Variants in FREM1 observed in about 807,000 individuals in gnomAD.
FREM1 encodes FRAS1 related extracellular matrix 1.
A neutral mutation model predicts 210.1 loss-of-function variants in FREM1; 220 were observed. The ratio of observed to expected loss-of-function variants is 1.05; its 90% CI spans 0.94 to 1.17. The LOEUF (loss-of-function observed/expected upper bound fraction) is 1.17. FREM1 is among the 50% of genes most tolerant of loss of function. The pLI is 0.00. For missense variants in FREM1, 3,454 were observed against 2,675.5 expected, an observed-to-expected ratio of 1.29 and a Z score of -6.42; for synonymous variants, 1,189 against 980.2, an observed-to-expected ratio of 1.21 and a Z score of -3.98.
At chr9:14,889,128 TA>T (rs1454844070) in intron 1 of FREM1, among the ~76,000 whole-genome samples, 1 of 152,192 alleles carries the variant, frequency 6.6e-6, no homozygotes, top group Non-Finnish European at 1.5e-5. Context: ...AAGATTGTGA[TA>T]AAAAAATCCT....
intron 27 of FREM1, among the ~76,000 whole-genome samples, chr9:14,768,417 G>A (rs1846866078): frequency 6.6e-6 from 1 of 151,322 alleles, no homozygotes; most frequent in Non-Finnish European, 1.5e-5. Context: ...GTGATCCTGG[G>A]AATTATTTGT....
At chr9:14,879,270 G>T (rs10810282) in intron 1 of FREM1, among the ~76,000 whole-genome samples, 7,116 of 151,772 alleles carry the variant, frequency 0.047, 196 homozygotes, top group East Asian at 0.13. Flanking sequence ...ATCATCCTGG[G>T]ATATATGGAA....
At chr9:14,818,051 C>A (rs1017061103) in intron 14 of FREM1, among the ~76,000 whole-genome samples, 1 of 152,174 alleles carries the variant, frequency 6.6e-6, no homozygotes, top group East Asian at 1.9e-4. Flanking sequence ...TGAACTTGGG[C>A]AAATTCCTCA....
chr9:14,873,455 G>C (rs1054968856), intron 1 of FREM1, among the ~76,000 whole-genome samples: 1 of 152,140 alleles, frequency 6.6e-6, no homozygotes, highest in Non-Finnish European at 1.5e-5. Flanking sequence ...GTTTATTTGT[G>C]TAGAGGTGTT....
chr9:14,896,544 C>CAAAAAAA (rs59464900), intron 1 of FREM1, among the ~76,000 whole-genome samples: 2 of 82,624 alleles, frequency 2.4e-5, no homozygotes, highest in Non-Finnish European at 2.5e-5. Flanking sequence ...GACTCCATCT[C>CAAAAAAA]AAAAAAAAAA....
chr9:14,811,915 G>C (rs1240432503), intron 16 of FREM1, among the ~76,000 whole-genome samples: 1 of 152,076 alleles, frequency 6.6e-6, no homozygotes, highest in African/African-American at 2.4e-5. Flanking sequence ...GTTTAAAGAG[G>C]CATATGGATG....
chr9:14,806,822 C>A lies in FREM1; in HGVS notation c.3113G>T (p.Gly1038Val). 6.2e-7 allele frequency: 1 copy of A among 1,603,500 alleles called. No homozygotes were observed. Among genetic ancestry groups the A allele is most frequent in the Non-Finnish European group, 8.5e-7 (1 of 1,174,318 alleles). Residue 1038 changes from glycine (G) to valine (V), a missense_variant, in exon 18 of 37, where the codon GGC becomes GTC. Physicochemically the swap from Gly to Val is moderately radical, Grantham distance 109. Coordinates refer to ENST00000380880, the MANE Select transcript of FREM1 (RefSeq NM_001379081.2). ...GTTAACAGTAAGGGCTGTTGAGCAGCCCTCATCTACAACAAACACGGGACC... is the reference window on the plus strand; with the variant it reads ...GTTAACAGTAAGGGCTGTTGAGCAGACCTCATCTACAACAAACACGGGACC... ...AIGPVFVVDE[G>V]CSTALTVNHL...
chr9:14,781,894 G>T (rs373024700), intron 24 of FREM1, among the ~76,000 whole-genome samples: 32 of 152,092 alleles, frequency 2.1e-4, no homozygotes, highest in Non-Finnish European at 1.3e-4. Context: ...TAGTAGAGAC[G>T]GGGTTTCGCC....
chr9:14,812,903 A>C lies in FREM1; in HGVS notation c.2802T>G (p.Pro934=). Residue 934 remains proline (P), a synonymous_variant, in exon 16 of 37, where the codon CCT becomes CCG. Transcript: ENST00000380880. Reference sequence around the variant, plus strand: ...CAGCTCTCCTCACCACCCCATGCTGAGGTTCGCGAGCAATCACAAACATCA... The same window carrying C: ...CAGCTCTCCTCACCACCCCATGCTGCGGTTCGCGAGCAATCACAAACATCA... ...LKLMFVIARE[P]QHGVVRRAGV... The C allele has an allele frequency of 6.2e-7, 1 of 1,613,922 alleles. No individual in the cohort carries two copies. Among genetic ancestry groups the C allele is most frequent in the Non-Finnish European group, 8.5e-7 (1 of 1,179,844 alleles).
Position 14,765,556 on chromosome 9 carries a change from T to C in FREM1, c.5204+4168A>G, listed in dbSNP as rs1307999249. 2.0e-5 allele frequency among the ~76,000 whole-genome samples: 3 copies of C among 152,232 alleles called. No homozygotes were observed. In the South Asian group the frequency reaches 6.2e-4, roughly 32 times the overall value. On this transcript the variant is annotated intron_variant, in intron 27 of 36. Coordinates refer to ENST00000380880, the MANE Select transcript of FREM1 (RefSeq NM_001379081.2). ...TCCCTTCCTCTGTGCTTTCCTAAGA[T>C]CTAGTCTGAAGACAAAAACCTTAAC... is the stretch of plus-strand genomic sequence containing the variant.
intron 2 of FREM1, among the ~76,000 whole-genome samples, chr9:14,864,376 T>C (rs186251117): frequency 4.7e-4 from 71 of 152,320 alleles, no homozygotes; most frequent in African/African-American, 1.6e-3. Context: ...TCTTTTTTTT[T>C]CCGAATAGTA....
At chr9:14,852,403 C>T (rs1827938839) in intron 5 of FREM1, among the ~76,000 whole-genome samples, 1 of 152,128 alleles carries the variant, frequency 6.6e-6, no homozygotes, top group African/African-American at 2.4e-5. Flanking sequence ...AGAATCCTCA[C>T]AGGGTGAGGT....
intron 1 of FREM1, among the ~76,000 whole-genome samples, chr9:14,889,126 G>C (rs1255131884): frequency 6.6e-6 from 1 of 152,100 alleles, no homozygotes; most frequent in Non-Finnish European, 1.5e-5. Flanking sequence ...CAAAGATTGT[G>C]ATAAAAAAAT....
chr9:14,806,990 T>C (rs965514444), intron 17 of FREM1, 144 bp from the exon 18 acceptor site: 74 of 539,170 alleles, frequency 1.4e-4, no homozygotes, highest in Middle Eastern at 1.1e-3. Flanking sequence ...TCATTTTCTT[T>C]GGCATCATTC....
intron 3 of FREM1, among the ~76,000 whole-genome samples, chr9:14,860,546 C>CATATATATATACCCAT (rs374788202): frequency 9.5e-6 from 1 of 104,922 alleles, no homozygotes. Flanking sequence ...TATATATACA[C>CATATATATATACCCAT]ATATATATAC....
intron 2 of FREM1, among the ~76,000 whole-genome samples, chr9:14,865,060 GA>G (rs2131754587): frequency 6.6e-6 from 1 of 152,252 alleles, no homozygotes; most frequent in African/African-American, 2.4e-5. Context: ...TAAAACAAAG[GA>G]GAGCTAAATC....
At chr9:14,783,581 G>C (rs1310272602) in intron 24 of FREM1, among the ~76,000 whole-genome samples, 1 of 152,208 alleles carries the variant, frequency 6.6e-6, no homozygotes. Context: ...CTGGGGATCT[G>C]TGTTTCTCTC....
intron 1 of FREM1, among the ~76,000 whole-genome samples, chr9:14,878,820 A>C (rs879342497): frequency 1.3e-5 from 2 of 152,178 alleles, no homozygotes; most frequent in African/African-American, 2.4e-5. Context: ...TATACTGATT[A>C]TAGTTTAACC....
chr9:14,827,717 C>T (rs370993286), intron 10 of FREM1, among the ~76,000 whole-genome samples: 1 of 152,174 alleles, frequency 6.6e-6, no homozygotes. Context: ...GACATCAGGC[C>T]ACCATTCCCA....
Sources: allele counts gnomAD v4.1 joint callset (sites outside exome capture counted in the v4.1 genomes callset), GRCh38; gene constraint gnomAD v4.1.1; transcripts MANE v1.5; gene names NCBI Gene and HGNC (gene_info 2026-07-23, HGNC 2026-07-21).